Variants in LINGO2 observed in about 807,000 individuals in gnomAD.
LINGO2 encodes leucine rich repeat and Ig domain containing 2.
LINGO2 carries 14 observed loss-of-function variants against 30.6 expected under a neutral mutation model. That is an observed-to-expected ratio of 0.46 (90% confidence interval 0.30 to 0.72). The LOEUF (loss-of-function observed/expected upper bound fraction) is 0.72. LINGO2 is among the 30% of genes least tolerant of loss of function. The probability of loss-of-function intolerance (pLI) is 0.07; values close to 1 mark genes in which losing one functional copy is unlikely to be tolerated. For missense variants in LINGO2, 729 were observed against 751.7 expected, an observed-to-expected ratio of 0.97 and a Z score of 0.35; for synonymous variants, 317 against 288.5, an observed-to-expected ratio of 1.10 and a Z score of -1.00.
chr9:27,971,638 C>T (rs956518813), intron 5 of LINGO2, among the ~76,000 whole-genome samples: 18 of 152,280 alleles, frequency 1.2e-4, no homozygotes, highest in Admixed American at 9.8e-4. Flanking sequence ...ATCTGCCCAC[C>T]TCAGCCTCCC....
chr9:28,344,002 G>A (rs1434834628), intron 3 of LINGO2, among the ~76,000 whole-genome samples: 1 of 152,080 alleles, frequency 6.6e-6, no homozygotes, highest in Non-Finnish European at 1.5e-5. Context: ...GAACAAAAAT[G>A]TTTCTCCTGC....
At chr9:28,240,167 T>C (rs1158239169) in intron 4 of LINGO2, among the ~76,000 whole-genome samples, 1 of 152,220 alleles carries the variant, frequency 6.6e-6, no homozygotes, top group Non-Finnish European at 1.5e-5. Context: ...TGTTCATGAA[T>C]TGGAAGAATT....
At chr9:28,756,272 G>A in the LINGO2 span, among the ~76,000 whole-genome samples, 20 of 151,988 alleles carry the variant, frequency 1.3e-4, no homozygotes, top group Middle Eastern at 3.2e-3. Flanking sequence ...GACTAGCATG[G>A]GGCCTGTAGT....
At chr9:28,690,759 C>G in the LINGO2 span, among the ~76,000 whole-genome samples, 1 of 152,088 alleles carries the variant, frequency 6.6e-6, no homozygotes, top group African/African-American at 2.4e-5. Context: ...CCCCTCTCCT[C>G]CTGACAATGA....
At chr9:28,628,965 G>A (rs1272926077) in intron 1 of LINGO2, among the ~76,000 whole-genome samples, 4 of 152,018 alleles carry the variant, frequency 2.6e-5, no homozygotes, top group African/African-American at 9.7e-5. Context: ...ATTCGTAAAA[G>A]CATAGGTCCA....
intron 1 of LINGO2, among the ~76,000 whole-genome samples, chr9:28,570,938 A>G (rs1479719942): frequency 1.3e-5 from 2 of 151,982 alleles, no homozygotes; most frequent in Non-Finnish European, 2.9e-5. Flanking sequence ...TTGTAACAAC[A>G]AATCAAGAAA....
chr9:28,549,205 T>C (rs1008948041), intron 1 of LINGO2, among the ~76,000 whole-genome samples: 2 of 152,116 alleles, frequency 1.3e-5, no homozygotes, highest in Non-Finnish European at 2.9e-5. Flanking sequence ...TTGTGTGTGT[T>C]TAAATCTTAC....
chr9:28,187,293 C>A (rs557234965), intron 4 of LINGO2, among the ~76,000 whole-genome samples: 3 of 152,022 alleles, frequency 2.0e-5, no homozygotes, highest in Non-Finnish European at 4.4e-5. Flanking sequence ...GAGTTCGAGT[C>A]CAGCCTGGCC....
At chr9:28,612,963 G>C (rs1428544462) in intron 1 of LINGO2, among the ~76,000 whole-genome samples, 1 of 152,072 alleles carries the variant, frequency 6.6e-6, no homozygotes, top group African/African-American at 2.4e-5. Context: ...TCATGGGGTG[G>C]TTTCCCCTAT....
At chr9:29,090,004 A>G in the LINGO2 span, among the ~76,000 whole-genome samples, 1 of 152,048 alleles carries the variant, frequency 6.6e-6, no homozygotes, top group Non-Finnish European at 1.5e-5. Context: ...CTCTTTTCAT[A>G]CTGAAACAAA....
the LINGO2 span, among the ~76,000 whole-genome samples, chr9:28,746,502 G>A: frequency 6.6e-6 from 1 of 151,906 alleles, no homozygotes; most frequent in Admixed American, 6.6e-5. Context: ...AAGATTACGT[G>A]AAGAATATTA....
At chr9:28,315,125 A>T (rs557083039) in intron 3 of LINGO2, among the ~76,000 whole-genome samples, 2 of 151,196 alleles carry the variant, frequency 1.3e-5, no homozygotes, top group African/African-American at 2.5e-5. Flanking sequence ...AGAGATGGAT[A>T]AAAAAAGAGA....
At chr9:28,436,192 T>C (rs890650411) in intron 2 of LINGO2, among the ~76,000 whole-genome samples, 2 of 152,162 alleles carry the variant, frequency 1.3e-5, no homozygotes, top group African/African-American at 4.8e-5. Context: ...TGTTTTTCAC[T>C]TGGTAAAGTC....
At chr9:28,735,232 C>T in the LINGO2 span, among the ~76,000 whole-genome samples, 2 of 152,142 alleles carry the variant, frequency 1.3e-5, no homozygotes, top group Non-Finnish European at 2.9e-5. Context: ...CCTTTCTCTG[C>T]TCTGCACACC....
chr9:28,414,085 TG>T (rs549809772), intron 2 of LINGO2, among the ~76,000 whole-genome samples: 2 of 152,138 alleles, frequency 1.3e-5, no homozygotes, highest in Admixed American at 6.6e-5. Flanking sequence ...AAAATATTTT[TG>T]ACAAGTAAGT....
chr9:29,105,084 G>A, the LINGO2 span, among the ~76,000 whole-genome samples: 2 of 151,958 alleles, frequency 1.3e-5, no homozygotes, highest in Non-Finnish European at 2.9e-5. Flanking sequence ...GTATTTTTTG[G>A]TAAACTAAAC....
intron 1 of LINGO2, among the ~76,000 whole-genome samples, chr9:28,504,309 C>G (rs1041465449): frequency 2.6e-5 from 4 of 151,744 alleles, no homozygotes; most frequent in African/African-American, 9.7e-5. Flanking sequence ...TTTACCCTTC[C>G]CTTTTCCACT....
At chr9:28,591,688 GC>G (rs1279043372) in intron 1 of LINGO2, among the ~76,000 whole-genome samples, 1 of 152,066 alleles carries the variant, frequency 6.6e-6, no homozygotes, top group African/African-American at 2.4e-5. Context: ...TGAAAGAGAT[GC>G]TTAAGGGTGA....
At chr9:29,036,445 G>T in the LINGO2 span, among the ~76,000 whole-genome samples, 2 of 152,004 alleles carry the variant, frequency 1.3e-5, no homozygotes, top group Admixed American at 6.6e-5. Context: ...GTGTGAACCT[G>T]AACTATGAGA....
Sources: gnomAD v4.1 joint callset for allele counts (sites outside exome capture counted in the v4.1 genomes callset) on GRCh38, gnomAD v4.1.1 for gene constraint, MANE v1.5 for transcripts, NCBI Gene and HGNC (gene_info 2026-07-23, HGNC 2026-07-21) for gene names.